CDH22: variants seen among roughly 807,000 people sequenced by gnomAD.
CDH22 encodes the protein cadherin-22.
A neutral mutation model predicts 58.4 loss-of-function variants in CDH22; 30 were observed. The ratio of observed to expected loss-of-function variants is 0.51; its 90% CI spans 0.38 to 0.70. CDH22 has a LOEUF of 0.70. Among genes scored for constraint, CDH22 ranks in the 30% least tolerant of loss-of-function variants. CDH22 has a pLI of 0.00. For synonymous variants in CDH22, 513 were observed against 558.2 expected, an observed-to-expected ratio of 0.92 and a Z score of 1.14; for missense variants, 1,014 against 1,233.9, an observed-to-expected ratio of 0.82 and a Z score of 2.67.
At position 46,212,942 on chromosome 20, in the gene CDH22, G is replaced by A. The variant is rs1465008323; in HGVS notation, c.1032+53C>T. 4.0e-6 allele frequency: 6 copies of A among 1,514,394 alleles called. No individual in the cohort carries two copies. In the East Asian group the frequency reaches 6.8e-5, roughly 17 times the overall value. The allele number at this position is 1,514,394 out of a possible 1,614,324, so 93.8% of individuals were successfully genotyped here. On this transcript the variant is annotated intron_variant, in intron 6 of 11. Transcript: ENST00000537909. The stretch of plus-strand genomic sequence containing the variant: ...TATTCGGCTGCCCAGAGGCCTCCCT[G>A]ATCCTCCCACCCCTGAGGCCTGCCT...
intron 1 of CDH22, among the ~76,000 whole-genome samples, chr20:46,263,517 C>T (rs1460735260): frequency 6.6e-6 from 1 of 151,920 alleles, no homozygotes; most frequent in Non-Finnish European, 1.5e-5. Context: ...ACCAACTGTG[C>T]CAAGGTCTGC....
chr20:46,180,421 T>C lies in CDH22; in HGVS notation c.1664-2224A>G, dbSNP rs149821616. Among the ~76,000 whole-genome samples, 12 of 152,274 alleles carry C rather than the reference T, an allele frequency of 7.9e-5. 1 individual carries two copies. The East Asian group carries it at 2.3e-3, about 29-fold the overall frequency. On this transcript the variant is annotated intron_variant, in intron 10 of 11. Coordinates refer to ENST00000537909, the MANE Select transcript of CDH22 (RefSeq NM_021248.3). Reference sequence around the variant, plus strand: ...AAACTGGCTACATTCAGGCTTGAACTCTAGCTCTCCCCCCAAAGGATGCGT... The same window carrying C: ...AAACTGGCTACATTCAGGCTTGAACCCTAGCTCTCCCCCCAAAGGATGCGT...
chr20:46,227,867 G>A (rs2086190784), intron 3 of CDH22, among the ~76,000 whole-genome samples: 1 of 152,154 alleles, frequency 6.6e-6, no homozygotes, highest in Non-Finnish European at 1.5e-5. Context: ...AGTCCCCTTG[G>A]GGTGGTTCCC....
At chr20:46,229,750 G>A (rs1223138297) in intron 3 of CDH22, among the ~76,000 whole-genome samples, 2 of 152,152 alleles carry the variant, frequency 1.3e-5, no homozygotes, top group Non-Finnish European at 2.9e-5. Context: ...TGCTGAAATG[G>A]GAGAAGATAC....
Position 46,229,236 on chromosome 20 carries a change from G to C in CDH22, c.551-1609C>G, listed in dbSNP as rs6124775. Among the ~76,000 whole-genome samples the C allele has an allele frequency of 2.6e-3, 391 of 151,774 alleles. 13 individuals carry two copies. The East Asian group carries it at 0.062, about 24-fold the overall frequency. On this transcript the variant is annotated intron_variant, in intron 3 of 11. Transcript: ENST00000537909. Reference sequence around the variant, plus strand: ...CACTCATGACACACTGGCTTCACCAGCCACTTAAATCCATCATCTCTAATC... The same window carrying C: ...CACTCATGACACACTGGCTTCACCACCCACTTAAATCCATCATCTCTAATC...
At position 46,251,983 on chromosome 20, in the gene CDH22, C is replaced by A. The variant is rs1207946137; in HGVS notation, c.-399-290G>T. ...GCCCCTGCCCCGCTCAGCCCTCATGCCCACACAAGGAGAGACCCTAGTAGG... is the reference window on the plus strand; with the variant it reads ...GCCCCTGCCCCGCTCAGCCCTCATGACCACACAAGGAGAGACCCTAGTAGG... On this transcript the variant is annotated intron_variant, in intron 1 of 11. Coordinates refer to ENST00000537909, the MANE Select transcript of CDH22 (RefSeq NM_021248.3). The surrounding 1 kb of genome is among the most constrained non-coding windows in gnomAD (Gnocchi z 6.7). 6.6e-6 allele frequency among the ~76,000 whole-genome samples: 1 copy of A among 152,058 alleles called. No homozygotes were observed. The highest frequency in any genetic ancestry group is 2.4e-5 in the African/African-American group (1 of 41,394).
At position 46,216,300 on chromosome 20, in the gene CDH22, C is replaced by T. The variant is rs372438672; in HGVS notation, c.838+526G>A. Among the ~76,000 whole-genome samples, 2 of 152,196 alleles carry T rather than the reference C, an allele frequency of 1.3e-5. No homozygotes were observed. The highest frequency in any genetic ancestry group is 2.4e-5 in the African/African-American group (1 of 41,448). On this transcript the variant is annotated intron_variant, in intron 5 of 11. Coordinates refer to ENST00000537909, the MANE Select transcript of CDH22 (RefSeq NM_021248.3). The surrounding 1 kb of genome is among the most constrained non-coding windows in gnomAD (Gnocchi z 5.3). ...CTCCTAATTCAGAAGCACAGAGTCG[C>T]GCTACCCAGGCTCAGAGGAGGAGGG...
intron 1 of CDH22, among the ~76,000 whole-genome samples, chr20:46,302,096 C>T (rs2086654853): frequency 6.6e-6 from 1 of 152,208 alleles, no homozygotes; most frequent in South Asian, 2.1e-4. Context: ...GGCCCCCTCT[C>T]CTCACACCCA....
At chr20:46,297,914 CT>C (rs2086635829) in intron 1 of CDH22, among the ~76,000 whole-genome samples, 1 of 152,108 alleles carries the variant, frequency 6.6e-6, no homozygotes. Context: ...CCCTGTGCCC[CT>C]GATGGTCCCC....
At chr20:46,207,222 C>T (rs79179927) in intron 7 of CDH22, among the ~76,000 whole-genome samples, 4,090 of 152,282 alleles carry the variant, frequency 0.027, 74 homozygotes, top group Non-Finnish European at 0.042. Context: ...AGGTGAGAAG[C>T]AGGTTTCAAA....
chr20:46,181,752 C>CTTCCTTCGTTCGTTCCTTCT, intron 10 of CDH22, among the ~76,000 whole-genome samples: 8 of 26,264 alleles, frequency 3.0e-4, no homozygotes, highest in Non-Finnish European at 5.8e-4. Flanking sequence ...TCCTTCCTTC[C>CTTCCTTCGTTCGTTCCTTCT]TTCTTTCTTT....
At chr20:46,219,690 A>T (rs1294572369) in intron 4 of CDH22, 1 of 152,172 alleles carries the variant, frequency 6.6e-6, no homozygotes. Flanking sequence ...AAAAACAACT[A>T]ATGTTTATGT....
At chr20:46,175,160 C>T in intron 11 of CDH22, 83 bp from the exon 12 acceptor site, 1 of 1,356,348 alleles carries the variant, frequency 7.4e-7, no homozygotes, top group Non-Finnish European at 1.0e-6. Flanking sequence ...CTCCTCCCGC[C>T]TCCCACCCAG....
intron 3 of CDH22, among the ~76,000 whole-genome samples, chr20:46,238,550 C>G (rs556128525): frequency 6.6e-6 from 1 of 152,216 alleles, no homozygotes; most frequent in African/African-American, 2.4e-5. Context: ...ACAAACTTCA[C>G]GCCAAACTCC....
intron 1 of CDH22, among the ~76,000 whole-genome samples, chr20:46,283,499 G>T (rs958400209): frequency 1.1e-4 from 16 of 152,256 alleles, no homozygotes; most frequent in Non-Finnish European, 1.6e-4. Context: ...GCTGGATATT[G>T]CTGTCATTAC....
At chr20:46,252,136 C>T (rs1414427732) in intron 1 of CDH22, among the ~76,000 whole-genome samples, 1 of 152,028 alleles carries the variant, frequency 6.6e-6, no homozygotes, top group Non-Finnish European at 1.5e-5. Context: ...GCACAGAAGT[C>T]CAGCACCCAG....
chr20:46,195,342 G>T (rs916607181), intron 8 of CDH22, among the ~76,000 whole-genome samples: 1 of 152,222 alleles, frequency 6.6e-6, no homozygotes, highest in South Asian at 2.1e-4. Context: ...AGGGAAGAGC[G>T]ATCTTCACTG....
chr20:46,227,971 G>C (rs2086191679), intron 3 of CDH22, among the ~76,000 whole-genome samples: 1 of 150,042 alleles, frequency 6.7e-6, no homozygotes. Flanking sequence ...TCACTAGGTT[G>C]AGGGGATGAA....
chr20:46,202,652 C>T (rs981037318), intron 7 of CDH22, among the ~76,000 whole-genome samples: 3 of 152,162 alleles, frequency 2.0e-5, no homozygotes, highest in African/African-American at 7.2e-5. Flanking sequence ...CATGCCCGGC[C>T]GCCAGAGTTC....
Sources: gnomAD v4.1 joint callset for allele counts (sites outside exome capture counted in the v4.1 genomes callset) on GRCh38, gnomAD v4.1.1 for gene constraint, Gnocchi (gnomAD v3.1) non-coding constraint, MANE v1.5 for transcripts, NCBI Gene and HGNC (gene_info 2026-07-23, HGNC 2026-07-21) for gene names.